Variants in CACNG3 observed in about 807,000 individuals in gnomAD.
CACNG3 encodes the protein calcium voltage-gated channel auxiliary subunit gamma 3.
CACNG3 carries 3 observed loss-of-function variants against 28.5 expected under a neutral mutation model. The ratio of observed to expected loss-of-function variants is 0.11; its 90% CI spans 0.05 to 0.27. The LOEUF (loss-of-function observed/expected upper bound fraction) is 0.27, where lower values mean the gene tolerates loss of function less well. Among genes scored for constraint, CACNG3 ranks in the 10% least tolerant of loss-of-function variants. The pLI, the probability that CACNG3 is intolerant of heterozygous loss-of-function variation, is 1.00. For synonymous variants in CACNG3, 174 were observed against 162.2 expected (o/e 1.07, Z -0.55); for missense variants, 236 against 414.4 (o/e 0.57, Z 3.74).
intron 1 of CACNG3, among the ~76,000 whole-genome samples, chr16:24,271,803 G>A (rs1040306436): frequency 2.0e-5 from 3 of 152,222 alleles, no homozygotes; most frequent in Admixed American, 6.5e-5. Context: ...AGAGAGTATC[G>A]GTCCTAGAAC....
intron 1 of CACNG3, among the ~76,000 whole-genome samples, chr16:24,301,208 A>G (rs989108995): frequency 1.2e-3 from 160 of 137,154 alleles, no homozygotes; most frequent in African/African-American, 4.0e-3. Flanking sequence ...GAGACTCTGA[A>G]AAAAAAAAAA....
At chr16:24,305,291 T>C (rs1387151237) in intron 1 of CACNG3, among the ~76,000 whole-genome samples, 2 of 151,548 alleles carry the variant, frequency 1.3e-5, no homozygotes, top group Non-Finnish European at 2.9e-5. Context: ...AAAAAGTATA[T>C]ATATATATAC....
At chr16:24,355,906 G>T (rs1173705770) in intron 3 of CACNG3, among the ~76,000 whole-genome samples, 1 of 152,188 alleles carries the variant, frequency 6.6e-6, no homozygotes, top group Non-Finnish European at 1.5e-5. Flanking sequence ...AGACCTTATA[G>T]TCAATAGGAG....
At chr16:24,314,681 C>A (rs1205361291) in intron 1 of CACNG3, among the ~76,000 whole-genome samples, 1 of 151,932 alleles carries the variant, frequency 6.6e-6, no homozygotes, top group Non-Finnish European at 1.5e-5. Context: ...CGACTCCCAG[C>A]AGACATGTGG....
chr16:24,302,578 T>C (rs945527049), intron 1 of CACNG3, among the ~76,000 whole-genome samples: 3 of 152,010 alleles, frequency 2.0e-5, no homozygotes, highest in African/African-American at 7.2e-5. Flanking sequence ...CCTCAGCCCC[T>C]AGAATAATGG....
intron 1 of CACNG3, among the ~76,000 whole-genome samples, chr16:24,304,215 C>G (rs563958157): frequency 6.6e-6 from 1 of 151,856 alleles, no homozygotes. Flanking sequence ...TTTGCTATCT[C>G]GAAAGCTTAT....
At position 24,291,474 on chromosome 16, in the gene CACNG3, T is replaced by C. The variant is rs1394820749; in HGVS notation, c.211+34509T>C. ...ACCACATAGGCTTAAAAAAATCAAGTGAGGGGTGGAAACTATATTATTGAG... is the reference window on the plus strand; with the variant it reads ...ACCACATAGGCTTAAAAAAATCAAGCGAGGGGTGGAAACTATATTATTGAG... On this transcript the variant is annotated intron_variant, in intron 1 of 3. Coordinates refer to ENST00000005284, the MANE Select transcript of CACNG3 (RefSeq NM_006539.4). Among the ~76,000 whole-genome samples, 18 of 152,002 alleles carry C rather than the reference T, an allele frequency of 1.2e-4. No individual in the cohort carries two copies. In the East Asian group the frequency reaches 3.1e-3, roughly 26 times the overall value.
intron 1 of CACNG3, among the ~76,000 whole-genome samples, chr16:24,299,585 T>C (rs1264477266): frequency 6.6e-6 from 1 of 152,202 alleles, no homozygotes; most frequent in East Asian, 1.9e-4. Context: ...TGTAAAGAGC[T>C]TGGAAATCTG....
chr16:24,281,720 G>T (rs1898831340), intron 1 of CACNG3, among the ~76,000 whole-genome samples: 1 of 152,182 alleles, frequency 6.6e-6, no homozygotes, highest in Admixed American at 6.5e-5. Context: ...AGATAATTAT[G>T]ATGATAAATG....
chr16:24,258,371 G>A (rs182409082), intron 1 of CACNG3, among the ~76,000 whole-genome samples: 15 of 152,322 alleles, frequency 9.8e-5, no homozygotes, highest in Admixed American at 7.8e-4. Context: ...CTTTAATGCA[G>A]CAAGGATCAT....
At chr16:24,335,323 G>A (rs1899688202) in intron 1 of CACNG3, among the ~76,000 whole-genome samples, 1 of 152,168 alleles carries the variant, frequency 6.6e-6, no homozygotes, top group Non-Finnish European at 1.5e-5. Flanking sequence ...AGGAGGCTGA[G>A]GCATGAGAAT....
chr16:24,281,711 G>A (rs991520732), intron 1 of CACNG3, among the ~76,000 whole-genome samples: 1 of 152,178 alleles, frequency 6.6e-6, no homozygotes, highest in African/African-American at 2.4e-5. Context: ...GATCCCCAAA[G>A]ATAATTATGA....
intron 1 of CACNG3, among the ~76,000 whole-genome samples, chr16:24,327,455 TACACAC>T (rs751581514): frequency 0.63 from 57,273 of 90,458 alleles, 19,050 homozygotes; most frequent in Middle Eastern, 0.79. Flanking sequence ...TATATATATA[TACACAC>T]ACACACACAC....
chr16:24,337,029 G>A (rs1899721733), intron 1 of CACNG3, among the ~76,000 whole-genome samples: 2 of 151,954 alleles, frequency 1.3e-5, no homozygotes, highest in Admixed American at 1.3e-4. Flanking sequence ...GCTTAGGCTA[G>A]TCTTGAACTC....
At chr16:24,280,782 A>T (rs1315391436) in intron 1 of CACNG3, among the ~76,000 whole-genome samples, 4 of 134,058 alleles carry the variant, frequency 3.0e-5, no homozygotes, top group Non-Finnish European at 1.5e-5. Context: ...AGATTGCACC[A>T]CTGCACTCCA....
At position 24,355,109 on chromosome 16, in the gene CACNG3, A is replaced by G. The variant is rs981579465; in HGVS notation, c.436+136A>G. On this transcript the variant is annotated intron_variant, in intron 3 of 3. Transcript: ENST00000005284. ...TGTTCCAGTTGTGCTAAGGATGAGA[A>G]CTCCAAGAATTCCATTAGAACCAAA... 5 of 847,944 alleles carry G rather than the reference A, an allele frequency of 5.9e-6. No individual in the cohort carries two copies. The African/African-American group carries it at 8.5e-5, about 14-fold the overall frequency. 52.5% of individuals were successfully genotyped at this position (847,944 alleles called of 1,614,324 possible).
intron 1 of CACNG3, among the ~76,000 whole-genome samples, chr16:24,318,747 G>A (rs867175380): frequency 6.6e-6 from 1 of 152,170 alleles, no homozygotes; most frequent in African/African-American, 2.4e-5. Flanking sequence ...TCTAACCAGA[G>A]GAAGGGCAGC....
chr16:24,296,643 C>A (rs1360838105), intron 1 of CACNG3, among the ~76,000 whole-genome samples: 2 of 152,090 alleles, frequency 1.3e-5, no homozygotes, highest in Non-Finnish European at 2.9e-5. Context: ...AAAGAATTAA[C>A]CCTCTTCATT....
At chr16:24,310,394 T>C (rs985502980) in intron 1 of CACNG3, among the ~76,000 whole-genome samples, 1 of 152,094 alleles carries the variant, frequency 6.6e-6, no homozygotes, top group African/African-American at 2.4e-5. Context: ...CAAAACCCTG[T>C]CTCTACTAAA....
Sources: allele counts gnomAD v4.1 joint callset (sites outside exome capture counted in the v4.1 genomes callset), GRCh38; gene constraint gnomAD v4.1.1; transcripts MANE v1.5; gene names NCBI Gene and HGNC (gene_info 2026-07-23, HGNC 2026-07-21).